PTPRM: variants seen among roughly 807,000 people sequenced by gnomAD.
PTPRM encodes the protein receptor-type tyrosine-protein phosphatase mu.
PTPRM carries 47 observed loss-of-function variants against 186.7 expected under a neutral mutation model. That is an observed-to-expected ratio of 0.25 (90% confidence interval 0.20 to 0.32). The LOEUF is 0.32. Among genes scored for constraint, PTPRM ranks in the 10% least tolerant of loss-of-function variants. The pLI is 1.00. For missense variants in PTPRM, 1,494 were observed against 1,865.0 expected (o/e 0.80, Z 3.66); for synonymous variants, 668 against 674.9 (o/e 0.99, Z 0.16).
chr18:8,168,307 T>G (rs1356125097), intron 14 of PTPRM, among the ~76,000 whole-genome samples: 3 of 152,202 alleles, frequency 2.0e-5, no homozygotes, highest in African/African-American at 7.2e-5. Flanking sequence ...CATTAAACCT[T>G]GCAGCTCCAG....
chr18:7,895,000 T>C (rs1213665424), intron 3 of PTPRM, among the ~76,000 whole-genome samples: 1 of 152,204 alleles, frequency 6.6e-6, no homozygotes, highest in Non-Finnish European at 1.5e-5. Context: ...TGAGTGAAAA[T>C]TGATTAATGA....
At chr18:8,401,178 A>C (rs1280544627) in intron 32 of PTPRM, among the ~76,000 whole-genome samples, 1 of 152,118 alleles carries the variant, frequency 6.6e-6, no homozygotes, top group East Asian at 1.9e-4. Flanking sequence ...ACCTGAGTCC[A>C]ACCTGAGCCA....
At chr18:8,131,235 G>A (rs2092497759) in intron 13 of PTPRM, among the ~76,000 whole-genome samples, 2 of 152,204 alleles carry the variant, frequency 1.3e-5, no homozygotes, top group Non-Finnish European at 2.9e-5. Context: ...GTGGTCTCCA[G>A]GAGCACCGAA....
In PTPRM at chr18:7,853,201, T is replaced by C. The variant is rs550481044; in HGVS notation, c.197-34905T>C. On this transcript the variant is annotated intron_variant, in intron 2 of 32. Transcript: ENST00000580170. ...ACATTGGAAAAATATTGATACTGATTCCTTCTTTTTGCAGATTTCAAATTC... is the reference window on the plus strand; with the variant it reads ...ACATTGGAAAAATATTGATACTGATCCCTTCTTTTTGCAGATTTCAAATTC... 6.6e-5 allele frequency among the ~76,000 whole-genome samples: 10 copies of C among 152,364 alleles called. No homozygotes were observed. The South Asian group carries it at 2.1e-3, about 32-fold the overall frequency.
chr18:7,833,787 G>A (rs2145750883), intron 2 of PTPRM, among the ~76,000 whole-genome samples: 1 of 147,428 alleles, frequency 6.8e-6, no homozygotes, highest in East Asian at 1.9e-4. Context: ...AACAACAAAA[G>A]CAATGCATAT....
At position 8,338,223 on chromosome 18, in the gene PTPRM, A is replaced by G. The variant is rs144106066; in HGVS notation, c.2957-5200A>G. Among the ~76,000 whole-genome samples the G allele has an allele frequency of 2.7e-3, 404 of 152,046 alleles. 2 individuals are homozygous for G. Among genetic ancestry groups the G allele is most frequent in the African/African-American group, 9.0e-3 (374 of 41,470 alleles). ...CAGTGGGAGGCCCTTGGATTGGAGT[A>G]GTTAAAGGAGGGAAGTGACCTGAGA... is the stretch of plus-strand genomic sequence containing the variant. On this transcript the variant is annotated intron_variant, in intron 22 of 32. Transcript: ENST00000580170.
intron 14 of PTPRM, among the ~76,000 whole-genome samples, chr18:8,167,542 A>G (rs1176536535): frequency 6.6e-6 from 1 of 152,214 alleles, no homozygotes; most frequent in East Asian, 1.9e-4. Flanking sequence ...AGAAGCAAAT[A>G]AGGCTGCCCG....
chr18:7,714,129 C>T (rs1025704423), intron 1 of PTPRM, among the ~76,000 whole-genome samples: 5 of 152,142 alleles, frequency 3.3e-5, no homozygotes, highest in African/African-American at 1.2e-4. Context: ...AAGTAAAACA[C>T]TCCTCAGCAA....
At chr18:7,886,556 G>A (rs1490691219) in intron 2 of PTPRM, among the ~76,000 whole-genome samples, 1 of 152,018 alleles carries the variant, frequency 6.6e-6, no homozygotes, top group African/African-American at 2.4e-5. Context: ...GCTGTGAAAG[G>A]GTATTTTTTT....
At chr18:8,026,361 A>C (rs1248900700) in intron 7 of PTPRM, among the ~76,000 whole-genome samples, 1 of 152,200 alleles carries the variant, frequency 6.6e-6, no homozygotes, top group African/African-American at 2.4e-5. Flanking sequence ...TTCTAAGTTG[A>C]ATGGTATGAA....
At chr18:8,335,436 G>T (rs1014181085) in intron 22 of PTPRM, among the ~76,000 whole-genome samples, 4 of 152,206 alleles carry the variant, frequency 2.6e-5, no homozygotes, top group African/African-American at 9.6e-5. Flanking sequence ...ATCCCCAAAA[G>T]AAGTTTGAAG....
At chr18:8,125,998 T>C (rs1600705932) in intron 13 of PTPRM, among the ~76,000 whole-genome samples, 1 of 14,942 alleles carries the variant, frequency 6.7e-5, no homozygotes, top group Non-Finnish European at 2.2e-4. Flanking sequence ...TATATATATA[T>C]ATATATATAT....
intron 7 of PTPRM, among the ~76,000 whole-genome samples, chr18:8,048,878 C>G (rs756557610): frequency 6.6e-6 from 1 of 152,176 alleles, no homozygotes; most frequent in Non-Finnish European, 1.5e-5. Flanking sequence ...AATTACATTA[C>G]TTCTGTAGCA....
chr18:8,100,116 G>C (rs1156904986), intron 11 of PTPRM, among the ~76,000 whole-genome samples: 1 of 151,068 alleles, frequency 6.6e-6, no homozygotes, highest in Non-Finnish European at 1.5e-5. Context: ...AGTGAGGAGG[G>C]AGATGCCACA....
rs539915145 is a variant in PTPRM at position 7,872,353 on chromosome 18, G to A, written c.197-15753G>A. Among the ~76,000 whole-genome samples the A allele has an allele frequency of 4.0e-4, 61 of 152,102 alleles. 2 individuals carry two copies. Among genetic ancestry groups the A allele is most frequent in the Middle Eastern group, 6.8e-3 (2 of 294 alleles). ...ATATCACTGCCTTAGATTACCATTG[G>A]TCTACTATTCCCACCTAATATTTTC... On this transcript the variant is annotated intron_variant, in intron 2 of 32. Coordinates refer to ENST00000580170, the MANE Select transcript of PTPRM (RefSeq NM_001105244.2).
chr18:8,328,095 A>G (rs1031364803), intron 22 of PTPRM, among the ~76,000 whole-genome samples: 16 of 152,234 alleles, frequency 1.1e-4, no homozygotes, highest in African/African-American at 3.9e-4. Context: ...TTTTTCTTCT[A>G]TCTTTATTCC....
At chr18:7,737,979 T>C (rs756819793) in intron 1 of PTPRM, among the ~76,000 whole-genome samples, 5 of 152,226 alleles carry the variant, frequency 3.3e-5, no homozygotes, top group African/African-American at 4.8e-5. Context: ...CACTCTGCCA[T>C]CTTTAATGCA....
chr18:7,694,218 A>G (rs2039793641), intron 1 of PTPRM, among the ~76,000 whole-genome samples: 1 of 152,094 alleles, frequency 6.6e-6, no homozygotes, highest in African/African-American at 2.4e-5. Flanking sequence ...CAGCCCTAGA[A>G]TGGAGGAGGG....
chr18:8,343,474 A>G lies in PTPRM; in HGVS notation c.3008A>G (p.Asn1003Ser), dbSNP rs773672382. 1.2e-5 allele frequency: 19 copies of G among 1,613,998 alleles called. No homozygotes were observed. Among genetic ancestry groups the G allele is most frequent in the Non-Finnish European group, 1.6e-5 (19 of 1,179,986 alleles). The change falls in exon 23 of 33, where the codon AAC (asparagine) becomes AGC (serine). Residue 1003 changes from asparagine (N) to serine (S), a missense_variant. Coordinates refer to ENST00000580170, the MANE Select transcript of PTPRM (RefSeq NM_001105244.2). ...YDFWRMVWHE[N>S]TASIIMVTNL... ...TTCTGGAGGATGGTGTGGCACGAAAACACTGCAAGTATCATCATGGTGACC... is the reference window on the plus strand; with the variant it reads ...TTCTGGAGGATGGTGTGGCACGAAAGCACTGCAAGTATCATCATGGTGACC...
Sources: allele counts gnomAD v4.1 joint callset (sites outside exome capture counted in the v4.1 genomes callset), GRCh38; gene constraint gnomAD v4.1.1; transcripts MANE v1.5; gene names NCBI Gene and HGNC (gene_info 2026-07-23, HGNC 2026-07-21).